PLS3: variants seen among roughly 807,000 people sequenced by gnomAD.
PLS3 encodes the protein plastin-3.
Under a neutral mutation model 46.5 loss-of-function variants are expected in PLS3, and 11 were observed. The ratio of observed to expected loss-of-function variants is 0.24; its 90% CI spans 0.15 to 0.39. PLS3 has a LOEUF of 0.39. PLS3 is among the 10% of genes least tolerant of loss of function. PLS3 has a pLI of 1.00. For missense variants in PLS3, 308 were observed against 461.8 expected, an observed-to-expected ratio of 0.67 and a Z score of 3.05; for synonymous variants, 167 against 162.2, an observed-to-expected ratio of 1.03 and a Z score of -0.22.
intron 1 of PLS3, among the ~76,000 whole-genome samples, chrX:115,609,065 T>TA: frequency 9.1e-6 from 1 of 109,700 alleles, no homozygotes; most frequent in Admixed American, 9.9e-5. Flanking sequence ...CAAGACTCTG[T>TA]CTTTACAAAA....
At chrX:115,630,753 T>G (rs1243680149) in intron 5 of PLS3, among the ~76,000 whole-genome samples, 1 of 93,424 alleles carries the variant, frequency 1.1e-5, no homozygotes, top group Non-Finnish European at 2.0e-5. Flanking sequence ...TTTACACATA[T>G]ATATTTTATA....
At chrX:115,595,685 T>G (rs1170011468) in intron 1 of PLS3, among the ~76,000 whole-genome samples, 6 of 105,740 alleles carry the variant, frequency 5.7e-5, no homozygotes, top group African/African-American at 2.2e-4. Context: ...TTTATTTTCT[T>G]TCTTTTTTTT....
Position 115,640,502 on chromosome X carries a change from A to G in PLS3, c.986A>G (p.Asn329Ser), listed in dbSNP as rs782708632. 1.7e-5 allele frequency: 18 copies of G among 1,061,963 alleles called. No homozygotes were observed. Among genetic ancestry groups the G allele is most frequent in the Non-Finnish European group, 2.0e-5 (15 of 760,962 alleles). The allele number at this position is 1,061,963 out of a possible 1,213,427, so 87.5% of individuals were successfully genotyped here. A position where few individuals can be genotyped will look rare whatever the true frequency, so the allele number is the denominator to read the frequency against. The change falls in exon 9 of 16, where the codon AAT (asparagine) becomes AGT (serine). Residue 329 changes from asparagine to serine, a missense_variant and splice_region_variant. Physicochemically the swap from Asn to Ser is conservative, Grantham distance 46. Transcript: ENST00000355899. Reference sequence around the variant, plus strand: ...ATAGATATTAACATGTCAGGTTTCAATGTAAGTATAAGTGCTCTTTTGAAT... The same window carrying G: ...ATAGATATTAACATGTCAGGTTTCAGTGTAAGTATAAGTGCTCTTTTGAAT... ...PRIDINMSGF[N>S]ETDDLKRAES...
intron 1 of PLS3, among the ~76,000 whole-genome samples, chrX:115,568,905 G>A (rs138718771): frequency 0.033 from 3,626 of 110,803 alleles, 150 homozygotes; most frequent in African/African-American, 0.11. Context: ...GCATGGTGGC[G>A]CACGCCTGTA....
intron 14 of PLS3, 103 bp downstream of exon 14, chrX:115,647,776 G>A (rs1300463248): frequency 1.8e-6 from 2 of 1,117,484 alleles, no homozygotes; most frequent in Non-Finnish European, 2.4e-6. Context: ...TTAGTGTTGG[G>A]CTAATGGCAC....
rs2074990096 is a variant in PLS3, at chrX:115,650,281, C to T, written c.*720C>T. On this transcript the variant is annotated 3_prime_UTR_variant, in exon 16 of 16. Transcript: ENST00000355899. ...AAATGTACCTTAAATTTGCATCTTC[C>T]CTCTCATACCCAAGCTGTAAACAAT... 1 of 111,317 alleles carries T rather than the reference C, an allele frequency of 9.0e-6. No individual in the cohort carries two copies. The highest frequency in any genetic ancestry group is 1.9e-5 in the Non-Finnish European group (1 of 53,021). The allele number at this position is 111,317 out of a possible 1,213,427, so 9.2% of individuals were successfully genotyped here.
chrX:115,594,622 CCT>C (rs1323997837), intron 1 of PLS3, among the ~76,000 whole-genome samples: 7 of 98,982 alleles, frequency 7.1e-5, no homozygotes, highest in Non-Finnish European at 8.1e-5. Context: ...TCTTGCCTAG[CCT>C]CTCTCTCTCT....
intron 1 of PLS3, among the ~76,000 whole-genome samples, chrX:115,585,992 A>G (rs2074305386): frequency 1.9e-5 from 2 of 103,251 alleles, no homozygotes; most frequent in Admixed American, 2.1e-4. Context: ...GAAAAATCTA[A>G]TTTTTTTTTT....
At chrX:115,638,153 C>T (rs1002484973) in intron 8 of PLS3, among the ~76,000 whole-genome samples, 2 of 110,811 alleles carry the variant, frequency 1.8e-5, no homozygotes, top group Non-Finnish European at 3.8e-5. Context: ...CTCTGTCACT[C>T]AGGCTGGAGT....
At chrX:115,595,461 T>C (rs948942870) in intron 1 of PLS3, among the ~76,000 whole-genome samples, 4 of 110,261 alleles carry the variant, frequency 3.6e-5, no homozygotes, top group African/African-American at 6.6e-5. Context: ...GAGATTTGCT[T>C]TAAAATAATT....
chrX:115,606,175 T>C (rs1158230283), intron 1 of PLS3, among the ~76,000 whole-genome samples: 1 of 78,074 alleles, frequency 1.3e-5, no homozygotes, highest in South Asian at 7.7e-4. Flanking sequence ...CTTTTTTTTT[T>C]TTTTTTTTTT....
chrX:115,592,074 T>G (rs183547000), intron 1 of PLS3, among the ~76,000 whole-genome samples: 1 of 111,954 alleles, frequency 8.9e-6, no homozygotes, highest in African/African-American at 3.2e-5. Context: ...GACTATCCGG[T>G]GAGGGCTCCT....
chrX:115,602,787 T>C (rs2074457286), intron 1 of PLS3, among the ~76,000 whole-genome samples: 1 of 111,067 alleles, frequency 9.0e-6, no homozygotes, highest in African/African-American at 3.3e-5. Context: ...TCTTTTCCAA[T>C]TCTATTTACC....
At chrX:115,607,287 C>A (rs1196243875) in intron 1 of PLS3, among the ~76,000 whole-genome samples, 11 of 106,850 alleles carry the variant, frequency 1.0e-4, no homozygotes, top group African/African-American at 3.4e-4. Flanking sequence ...ACAACAACAA[C>A]AAAAAAAAAA....
At chrX:115,562,480 G>A (rs1556629692) in intron 1 of PLS3, 1 of 112,247 alleles carries the variant, frequency 8.9e-6, no homozygotes, top group African/African-American at 3.2e-5. Context: ...AAGTGGGTTG[G>A]AGAGCCTCGC....
chrX:115,597,718 C>G lies in PLS3; in HGVS notation c.-8-12525C>G, dbSNP rs908929951. Among the ~76,000 whole-genome samples the G allele has an allele frequency of 7.2e-4, 80 of 111,654 alleles. 1 individual carries two copies. The highest frequency in any genetic ancestry group is 2.1e-3 in the African/African-American group (65 of 30,676). On this transcript the variant is annotated intron_variant, in intron 1 of 15. Coordinates refer to ENST00000355899, the MANE Select transcript of PLS3 (RefSeq NM_005032.7). ...GTATTCTATGTGAATTGTAGAAGCA[C>G]AGTTGCTAAATATATCCAGATTTAT...
At chrX:115,640,217 A>T in intron 8 of PLS3, 191 bp from the exon 9 acceptor site, 1 of 740,101 alleles carries the variant, frequency 1.4e-6, no homozygotes, top group Non-Finnish European at 2.0e-6. Context: ...AATCCAGTTC[A>T]TCCATATGCA....
intron 1 of PLS3, among the ~76,000 whole-genome samples, chrX:115,607,403 T>C (rs782181475): frequency 6.2e-5 from 7 of 112,104 alleles, no homozygotes; most frequent in Non-Finnish European, 1.3e-4. Context: ...TGAGAAGTTA[T>C]CCATCTTTAG....
In PLS3 at chrX:115,649,954, C is replaced by T. The variant is rs1047372497; in HGVS notation, c.*393C>T. Reference sequence around the variant, plus strand: ...TGAATATTATTAGACAGTAATTTTGCTTTCCATCCAGTATGCTAGTTCTTA... The same window carrying T: ...TGAATATTATTAGACAGTAATTTTGTTTTCCATCCAGTATGCTAGTTCTTA... On this transcript the variant is annotated 3_prime_UTR_variant, in exon 16 of 16. Coordinates refer to ENST00000355899, the MANE Select transcript of PLS3 (RefSeq NM_005032.7). The T allele has an allele frequency of 1.7e-5, 2 of 118,115 alleles. No homozygotes were observed. Among genetic ancestry groups the T allele is most frequent in the African/African-American group, 6.4e-5 (2 of 31,200 alleles). 9.7% of individuals were successfully genotyped at this position (118,115 alleles called of 1,213,427 possible). A position where few individuals can be genotyped will look rare whatever the true frequency, so the allele number is the denominator to read the frequency against.
Sources: allele counts gnomAD v4.1 joint callset (sites outside exome capture counted in the v4.1 genomes callset), GRCh38; gene constraint gnomAD v4.1.1; transcripts MANE v1.5; gene names NCBI Gene and HGNC (gene_info 2026-07-23, HGNC 2026-07-21).